The following TRAPPC9 variants were observed in gnomAD, a reference collection of about 807,000 sequenced individuals.
TRAPPC9 encodes the protein IKK2 binding protein.
A neutral mutation model predicts 124.0 loss-of-function variants in TRAPPC9; 83 were observed. The ratio of observed to expected loss-of-function variants is 0.67; its 90% confidence interval spans 0.56 to 0.80. The LOEUF is 0.80. Among genes scored for constraint, TRAPPC9 ranks in the 30% least tolerant of loss-of-function variants. The probability of loss-of-function intolerance (pLI) is 0.00; values close to 1 mark genes in which losing one functional copy is unlikely to be tolerated. For synonymous variants in TRAPPC9, 638 were observed against 617.5 expected (o/e 1.03, Z -0.49); for missense variants, 1,302 against 1,508.3 (o/e 0.86, Z 2.27).
At chr8:140,395,195 T>C (rs1220392002) in intron 7 of TRAPPC9, among the ~76,000 whole-genome samples, 3 of 152,300 alleles carry the variant, frequency 2.0e-5, no homozygotes, top group East Asian at 3.9e-4. Context: ...GTTTCCCTCA[T>C]ACTACGTGGC....
chr8:140,397,692 G>A lies in TRAPPC9; in HGVS notation c.1062C>T (p.Val354=). Residue 354 remains valine, a synonymous_variant, in exon 7 of 23, where the codon GTC becomes GTT. Transcript: ENST00000438773. ...ELEACIKAVR[V]LAIQKRSMEA... is the part of the protein sequence containing the mutation. ...CCATGCTCCGTTTCTGAATTGCAAG[G>A]ACACGTACAGCCTTGATGCACGCTT... The A allele has an allele frequency of 6.2e-7, 1 of 1,614,164 alleles. No individual in the cohort carries two copies. The highest frequency in any genetic ancestry group is 8.5e-7 in the Non-Finnish European group (1 of 1,180,034).
chr8:140,068,318 G>A (rs1323777914), intron 17 of TRAPPC9, among the ~76,000 whole-genome samples: 3 of 152,236 alleles, frequency 2.0e-5, no homozygotes, highest in South Asian at 2.1e-4. Flanking sequence ...AAGCAGCTCT[G>A]TTTTCTGCTG....
intron 15 of TRAPPC9, among the ~76,000 whole-genome samples, chr8:140,266,851 C>A (rs72690643): frequency 0.18 from 27,999 of 151,740 alleles, 2,640 homozygotes; most frequent in Admixed American, 0.22. Context: ...CAGAGCGAGA[C>A]TCCATCTCAA....
At chr8:140,272,130 C>CAATGATGATGATGATGGTGGCGATGGT (rs1450234909) in intron 15 of TRAPPC9, among the ~76,000 whole-genome samples, 1 of 100,382 alleles carries the variant, frequency 1.0e-5, no homozygotes, top group African/African-American at 3.4e-5. Context: ...GTGATGGTGG[C>CAATGATGATGATGATGGTGGCGATGGT]GATGGTGATG....
intron 21 of TRAPPC9, among the ~76,000 whole-genome samples, chr8:139,856,563 C>G (rs569099413): frequency 1.3e-5 from 2 of 152,156 alleles, no homozygotes; most frequent in African/African-American, 4.8e-5. Flanking sequence ...ATGGGTAACA[C>G]AGGTCAACAG....
At chr8:140,186,471 A>G (rs2062357078) in intron 17 of TRAPPC9, among the ~76,000 whole-genome samples, 1 of 152,166 alleles carries the variant, frequency 6.6e-6, no homozygotes, top group Non-Finnish European at 1.5e-5. Flanking sequence ...CTGTAATCCC[A>G]GGTACTTGGG....
intron 20 of TRAPPC9, among the ~76,000 whole-genome samples, chr8:139,887,747 T>C (rs938700405): frequency 6.6e-6 from 1 of 152,242 alleles, no homozygotes; most frequent in East Asian, 1.9e-4. Context: ...GACACGGTCA[T>C]CTTCCTGTTA....
chr8:140,206,511 A>C (rs1466668967), intron 17 of TRAPPC9, among the ~76,000 whole-genome samples: 1 of 152,120 alleles, frequency 6.6e-6, no homozygotes, highest in African/African-American at 2.4e-5. Context: ...AAAATCTAGG[A>C]TATTCAAGTT....
chr8:140,320,028 CT>C (rs201793066), intron 9 of TRAPPC9, among the ~76,000 whole-genome samples: 1 of 152,000 alleles, frequency 6.6e-6, no homozygotes, highest in African/African-American at 2.4e-5. Flanking sequence ...AGAAGTACAT[CT>C]TTTTTTTCTA....
intron 9 of TRAPPC9, among the ~76,000 whole-genome samples, chr8:140,349,479 C>A (rs1377292253): frequency 6.6e-6 from 1 of 151,928 alleles, no homozygotes; most frequent in East Asian, 1.9e-4. Context: ...AGGGGGCGCG[C>A]GAGGGAAGGC....
chr8:139,767,823 T>A (rs996861433), intron 21 of TRAPPC9, among the ~76,000 whole-genome samples: 1 of 152,254 alleles, frequency 6.6e-6, no homozygotes, highest in Non-Finnish European at 1.5e-5. Context: ...TAGACTGGCA[T>A]AGATTTTTAA....
rs12679975 is a variant in TRAPPC9, at chr8:140,328,566, G to A, written c.1496-17192C>T. Among the ~76,000 whole-genome samples the A allele has an allele frequency of 1.7e-3, 255 of 152,184 alleles. 1 individual carries two copies. The East Asian group carries it at 0.041, about 25-fold the overall frequency. ...TGCAAAGGCACAAGAATGATACAAT[G>A]GACTTTGGGGACTCAGGGGGAAAGG... On this transcript the variant is annotated intron_variant, in intron 9 of 22. Coordinates refer to ENST00000438773, the MANE Select transcript of TRAPPC9 (RefSeq NM_001160372.4).
rs1387911839 is a variant in TRAPPC9, at chr8:140,217,571, AC to A, written c.2556+3887del. Among the ~76,000 whole-genome samples, 29 of 150,566 alleles carry A rather than the reference AC, an allele frequency of 1.9e-4. No homozygotes were observed. In the East Asian group the frequency reaches 5.6e-3, roughly 29 times the overall value. ...CTTACAGCATAATACAAATAAATAT[AC>A]CCCCTACAGCTGTGTCAAAACAGTT... On this transcript the variant is annotated intron_variant, in intron 17 of 22. Transcript: ENST00000438773.
At position 139,816,116 on chromosome 8, in the gene TRAPPC9, C is replaced by T. The variant is rs192248889; in HGVS notation, c.3055+69763G>A. On this transcript the variant is annotated intron_variant, in intron 21 of 22. Coordinates refer to ENST00000438773, the MANE Select transcript of TRAPPC9 (RefSeq NM_001160372.4). ...GGAAGCACAGAGTGGGTGGGAGAAC[C>T]GCAGGGCACCAGAGGGCAGCCTTGG... Among the ~76,000 whole-genome samples, 10 of 152,262 alleles carry T rather than the reference C, an allele frequency of 6.6e-5. No individual in the cohort carries two copies. The East Asian group carries it at 1.7e-3, about 26-fold the overall frequency.
At chr8:140,242,890 G>C (rs780515550) in intron 16 of TRAPPC9, among the ~76,000 whole-genome samples, 1 of 152,202 alleles carries the variant, frequency 6.6e-6, no homozygotes, top group African/African-American at 2.4e-5. Flanking sequence ...AACCACGGAG[G>C]GGGAGGGAGG....
At chr8:140,018,625 C>T (rs547544677) in intron 18 of TRAPPC9, among the ~76,000 whole-genome samples, 2 of 152,138 alleles carry the variant, frequency 1.3e-5, no homozygotes, top group African/African-American at 4.8e-5. Flanking sequence ...CCGTGCCTGG[C>T]CACATAAGTG....
intron 14 of TRAPPC9, among the ~76,000 whole-genome samples, chr8:140,277,042 C>T (rs1385828347): frequency 6.6e-6 from 1 of 152,226 alleles, no homozygotes; most frequent in Non-Finnish European, 1.5e-5. Context: ...CCTCCTGGCC[C>T]TGCTCCCGGT....
In TRAPPC9 at chr8:140,324,821, AATG is replaced by A. The variant is rs139053894; in HGVS notation, c.1496-13450_1496-13448del. On this transcript the variant is annotated intron_variant, in intron 9 of 22. Coordinates refer to ENST00000438773, the MANE Select transcript of TRAPPC9 (RefSeq NM_001160372.4). ...CTTTTTAAGTAAAAGAATAGACAAC[AATG>A]ATAAGGAAGATTTAAACAAACTATT... Among the ~76,000 whole-genome samples the A allele has an allele frequency of 8.9e-3, 1,358 of 152,296 alleles. 19 individuals are homozygous for A. The highest frequency in any genetic ancestry group is 0.032 in the African/African-American group (1,314 of 41,544).
chr8:139,965,766 G>A (rs186523488), intron 19 of TRAPPC9, among the ~76,000 whole-genome samples: 35 of 152,380 alleles, frequency 2.3e-4, no homozygotes, highest in African/African-American at 7.9e-4. Flanking sequence ...CATCACACGG[G>A]GGAGAGAAGG....
Sources: allele counts gnomAD v4.1 joint callset (sites outside exome capture counted in the v4.1 genomes callset), GRCh38; gene constraint gnomAD v4.1.1; transcripts MANE v1.5; gene names NCBI Gene and HGNC (gene_info 2026-07-23, HGNC 2026-07-21).